Variants in DIP2B observed in about 807,000 individuals in gnomAD.
DIP2B encodes disco-interacting protein 2 homolog B.
Under a neutral mutation model 198.0 loss-of-function variants are expected in DIP2B, and 76 were observed. The observed-to-expected ratio is 0.38, with a 90% confidence interval of 0.32 to 0.46. The LOEUF (loss-of-function observed/expected upper bound fraction) is 0.46. Among genes scored for constraint, DIP2B ranks in the 20% least tolerant of loss-of-function variants. The pLI is 0.99. For synonymous variants in DIP2B, 701 were observed against 739.1 expected (o/e 0.95, Z 0.84); for missense variants, 1,559 against 1,978.4 (o/e 0.79, Z 4.02).
chr12:50,697,126 A>G lies in DIP2B; in HGVS notation c.1999A>G (p.Ile667Val). The G allele has an allele frequency of 6.2e-7, 1 of 1,614,136 alleles. No individual in the cohort carries two copies. The highest frequency in any genetic ancestry group is 8.5e-7 in the Non-Finnish European group (1 of 1,179,998). ...FQSHGLKPEA[I>V]CPCATSAEAM... ...AAGTCATGGACTGAAGCCTGAGGCC[A>G]TCTGTCCGTGCGCCACGTCTGCTGA... is the stretch of plus-strand genomic sequence containing the variant. The change falls in exon 17 of 38, where the codon ATC (isoleucine) becomes GTC (valine). Residue 667 changes from isoleucine (I) to valine (V), a missense_variant. Ile to Val is a conservative substitution (Grantham distance 29, BLOSUM62 3). Transcript: ENST00000301180.
At chr12:50,599,018 A>G (rs1257447942) in intron 1 of DIP2B, among the ~76,000 whole-genome samples, 2 of 143,108 alleles carry the variant, frequency 1.4e-5, no homozygotes, top group African/African-American at 5.2e-5. Flanking sequence ...GGCTGGGCAC[A>G]GTGGCTCAGG....
rs1336062499 is a variant in DIP2B at position 50,724,473 on chromosome 12, T to C, written c.3289-302T>C. ...CCCACATCTTTATTTAATTGTGGTCTTCATGAAATCTTGGGATTGTGGGAT... is the reference window on the plus strand; with the variant it reads ...CCCACATCTTTATTTAATTGTGGTCCTCATGAAATCTTGGGATTGTGGGAT... On this transcript the variant is annotated intron_variant, in intron 27 of 37. Coordinates refer to ENST00000301180, the MANE Select transcript of DIP2B (RefSeq NM_173602.3). Among the ~76,000 whole-genome samples, 5 of 152,214 alleles carry C rather than the reference T, an allele frequency of 3.3e-5. No homozygotes were observed. The East Asian group carries it at 7.7e-4, about 23-fold the overall frequency.
intron 1 of DIP2B, among the ~76,000 whole-genome samples, chr12:50,531,948 A>G (rs1958220712): frequency 1.3e-5 from 2 of 152,198 alleles, no homozygotes; most frequent in Non-Finnish European, 2.9e-5. Flanking sequence ...GAGTGTGTTC[A>G]TTTGTTGGTG....
In DIP2B at chr12:50,678,847, C is replaced by A; in HGVS notation, c.1085C>A (p.Thr362Lys). ...KCSCLTALDM[T>K]GKPVYTLTYG... ...TCCTGTCTGACTGCACTGGACATGA[C>A]AGGGAAACCAGTTTACACTCTTACA... Residue 362 changes from threonine (T) to lysine (K), a missense_variant, in exon 8 of 38, where the codon ACA becomes AAA. Thr to Lys is a moderately conservative substitution (Grantham distance 78). Coordinates refer to ENST00000301180, the MANE Select transcript of DIP2B (RefSeq NM_173602.3). 6.2e-7 allele frequency: 1 copy of A among 1,614,210 alleles called. No individual in the cohort carries two copies. The highest frequency in any genetic ancestry group is 8.5e-7 in the Non-Finnish European group (1 of 1,180,020).
chr12:50,560,952 AC>A (rs1319068196), intron 1 of DIP2B, among the ~76,000 whole-genome samples: 1 of 152,210 alleles, frequency 6.6e-6, no homozygotes, highest in Non-Finnish European at 1.5e-5. Flanking sequence ...TGGCAAATAA[AC>A]TGTTTTCACA....
intron 33 of DIP2B, 38 bp downstream of exon 33, chr12:50,734,234 C>G (rs144053129): frequency 1.1e-5 from 17 of 1,607,082 alleles, no homozygotes; most frequent in Non-Finnish European, 1.4e-5. Flanking sequence ...CCTACTAGTT[C>G]CTAAGCATAA....
chr12:50,686,532 A>AT, intron 11 of DIP2B, 41 bp from the exon 12 acceptor site: 2 of 1,587,056 alleles, frequency 1.3e-6, no homozygotes, highest in South Asian at 2.2e-5. Context: ...TCATTCCCTG[A>AT]TGGCTTAGGC....
chr12:50,642,807 A>C (rs997568308), intron 3 of DIP2B, among the ~76,000 whole-genome samples: 1 of 152,076 alleles, frequency 6.6e-6, no homozygotes, highest in African/African-American at 2.4e-5. Context: ...ACAACAACAC[A>C]TCGTGGTTAC....
chr12:50,626,064 G>A lies in DIP2B; in HGVS notation c.172+17G>A, dbSNP rs754717616. The A allele has an allele frequency of 5.6e-6, 9 of 1,612,496 alleles. No individual in the cohort carries two copies. The highest frequency in any genetic ancestry group is 6.8e-6 in the Non-Finnish European group (8 of 1,179,216). On this transcript the variant is annotated intron_variant, in intron 2 of 37. Coordinates refer to ENST00000301180, the MANE Select transcript of DIP2B (RefSeq NM_173602.3). ...AGACACAAGGTAGGCAATAAAAAAT[G>A]GTTTCAACTTTTTCAGTATTTTTAC...
At chr12:50,520,053 T>A (rs1465690169) in intron 1 of DIP2B, among the ~76,000 whole-genome samples, 3 of 149,006 alleles carry the variant, frequency 2.0e-5, no homozygotes, top group East Asian at 2.0e-4. Flanking sequence ...TTTTTTTTTT[T>A]TTTGAGACAA....
chr12:50,637,275 A>G (rs1938177613), intron 2 of DIP2B, among the ~76,000 whole-genome samples: 1 of 152,160 alleles, frequency 6.6e-6, no homozygotes, highest in South Asian at 2.1e-4. Context: ...CATTTCCTGT[A>G]AATCCCTTCA....
chr12:50,693,031 A>T lies in DIP2B; in HGVS notation c.1719+18A>T, dbSNP rs141619265. On this transcript the variant is annotated intron_variant, in intron 14 of 37. Coordinates refer to ENST00000301180, the MANE Select transcript of DIP2B (RefSeq NM_173602.3). ...TGTTTGCGGTAAGCTACTCAGATTT[A>T]AGGCCCTTAGTGTAAATTGTGCTTG... 1.6e-3 allele frequency: 2,491 copies of T among 1,606,968 alleles called. 33 individuals are homozygous for T. The African/African-American group carries it at 0.029, about 19-fold the overall frequency.
At chr12:50,531,262 A>G (rs1958214643) in intron 1 of DIP2B, among the ~76,000 whole-genome samples, 1 of 152,002 alleles carries the variant, frequency 6.6e-6, no homozygotes, top group Admixed American at 6.6e-5. Context: ...GTTAGCCAGG[A>G]TGGTCTCGAT....
chr12:50,647,788 A>G (rs1454826627), intron 3 of DIP2B, among the ~76,000 whole-genome samples: 1 of 152,216 alleles, frequency 6.6e-6, no homozygotes, highest in Non-Finnish European at 1.5e-5. Flanking sequence ...CTCATGGATC[A>G]TATGCTAACC....
At chr12:50,630,290 G>A (rs1255879687) in intron 2 of DIP2B, among the ~76,000 whole-genome samples, 1 of 152,032 alleles carries the variant, frequency 6.6e-6, no homozygotes, top group Non-Finnish European at 1.5e-5. Context: ...AGTTTTCAAA[G>A]TTATTTATAA....
At chr12:50,618,908 T>C (rs1937751942) in intron 1 of DIP2B, among the ~76,000 whole-genome samples, 1 of 152,168 alleles carries the variant, frequency 6.6e-6, no homozygotes, top group Non-Finnish European at 1.5e-5. Flanking sequence ...ACTTGTACTT[T>C]TATTGTAATA....
chr12:50,647,925 A>G (rs927334732), intron 3 of DIP2B, among the ~76,000 whole-genome samples: 4 of 151,900 alleles, frequency 2.6e-5, no homozygotes, highest in African/African-American at 9.7e-5. Flanking sequence ...GACCAGCCTG[A>G]CCAAACCCCG....
At chr12:50,716,959 T>A (rs1156817635) in intron 23 of DIP2B, among the ~76,000 whole-genome samples, 1 of 31,498 alleles carries the variant, frequency 3.2e-5, no homozygotes, top group African/African-American at 1.0e-4. Context: ...GAATTGTTGC[T>A]TTTTTTTTTT....
In DIP2B at chr12:50,590,004, CTCTG is replaced by C. The variant is rs568593799; in HGVS notation, c.101-35968_101-35965del. ...CCTGTTTCTCTCTCTCTCTCTCTTT[CTCTG>C]TCTCTCTCTGAGATAGTATCTTACT... On this transcript the variant is annotated intron_variant, in intron 1 of 37. Coordinates refer to ENST00000301180, the MANE Select transcript of DIP2B (RefSeq NM_173602.3). Among the ~76,000 whole-genome samples the C allele has an allele frequency of 7.6e-4, 116 of 152,022 alleles. No individual in the cohort carries two copies. In the South Asian group the frequency reaches 7.9e-3, roughly 10 times the overall value.
Sources: allele counts gnomAD v4.1 joint callset (sites outside exome capture counted in the v4.1 genomes callset), GRCh38; gene constraint gnomAD v4.1.1; transcripts MANE v1.5; gene names NCBI Gene and HGNC (gene_info 2026-07-23, HGNC 2026-07-21).